The following EXOC2 variants were observed in gnomAD, a reference collection of about 807,000 sequenced individuals.
EXOC2 encodes exocyst complex component 2, also known as SEC5-like 1.
Under a neutral mutation model 131.8 loss-of-function variants are expected in EXOC2, and 70 were observed. The observed-to-expected ratio is 0.53, with a 90% CI of 0.44 to 0.65. The LOEUF is 0.65. EXOC2 is among the 30% of genes least tolerant of loss of function. The probability of loss-of-function intolerance (pLI) is 0.00; values close to 1 mark genes in which losing one functional copy is unlikely to be tolerated. For synonymous variants in EXOC2, 411 were observed against 398.4 expected (o/e 1.03, Z -0.38); for missense variants, 923 against 1,108.6 (o/e 0.83, Z 2.38).
chr6:661,658 C>T (rs569005395), intron 1 of EXOC2, among the ~76,000 whole-genome samples: 27 of 152,130 alleles, frequency 1.8e-4, no homozygotes, highest in Non-Finnish European at 3.2e-4. Context: ...TGAAACAAAT[C>T]CTGGAAACAC....
intron 27 of EXOC2, among the ~76,000 whole-genome samples, chr6:487,781 T>TA (rs951895006): frequency 4.9e-4 from 74 of 152,300 alleles, no homozygotes; most frequent in African/African-American, 1.7e-3. Context: ...GAACTGGGTT[T>TA]AACAGTACTG....
chr6:614,182 C>CG (rs1760860480), intron 6 of EXOC2, among the ~76,000 whole-genome samples: 1 of 151,936 alleles, frequency 6.6e-6, no homozygotes, highest in Admixed American at 6.6e-5. Context: ...CTGTGGACCA[C>CG]GGGCCACACT....
chr6:509,557 GAAAAT>G (rs542660140), intron 23 of EXOC2, among the ~76,000 whole-genome samples: 36 of 152,028 alleles, frequency 2.4e-4, no homozygotes, highest in Non-Finnish European at 4.1e-4. Context: ...AACTTTTCAT[GAAAAT>G]AAAATAAAAT....
intron 1 of EXOC2, among the ~76,000 whole-genome samples, chr6:680,024 ATT>A (rs11345538): frequency 6.0e-4 from 90 of 150,318 alleles, no homozygotes; most frequent in African/African-American, 2.1e-3. Flanking sequence ...CCGGATGACT[ATT>A]TTTTTTTTTA....
intron 1 of EXOC2, among the ~76,000 whole-genome samples, chr6:653,114 C>A (rs890838864): frequency 6.6e-6 from 1 of 152,280 alleles, no homozygotes; most frequent in Non-Finnish European, 1.5e-5. Context: ...GACTGTTCCA[C>A]CAACCAGCAT....
intron 23 of EXOC2, among the ~76,000 whole-genome samples, chr6:521,476 T>C (rs543671251): frequency 6.6e-6 from 1 of 152,296 alleles, no homozygotes; most frequent in African/African-American, 2.4e-5. Context: ...TGAAGAAAGG[T>C]AGAACTACAT....
At chr6:657,551 G>A (rs181684033) in intron 1 of EXOC2, among the ~76,000 whole-genome samples, 147 of 152,222 alleles carry the variant, frequency 9.7e-4, no homozygotes, top group African/African-American at 3.3e-3. Context: ...TTGCTATTAT[G>A]AACACAATGA....
chr6:675,480 G>A (rs953712197), intron 1 of EXOC2, among the ~76,000 whole-genome samples: 8 of 152,140 alleles, frequency 5.3e-5, no homozygotes, highest in Non-Finnish European at 8.8e-5. Context: ...AGAAATGGGC[G>A]CCCCATCAAC....
At chr6:503,277 G>T (rs544461784) in intron 23 of EXOC2, among the ~76,000 whole-genome samples, 1 of 152,120 alleles carries the variant, frequency 6.6e-6, no homozygotes, top group East Asian at 1.9e-4. Flanking sequence ...CTACATGGAG[G>T]ATGCCACTAG....
Position 486,585 on chromosome 6 carries a change from A to C in EXOC2, c.*86T>G, listed in dbSNP as rs932627152. 1 of 1,219,890 alleles carries C rather than the reference A, an allele frequency of 8.2e-7. No homozygotes were observed. The highest frequency in any genetic ancestry group is 1.2e-6 in the Non-Finnish European group (1 of 846,342). 75.6% of individuals were successfully genotyped at this position (1,219,890 alleles called of 1,614,324 possible). A position where few individuals can be genotyped will look rare whatever the true frequency, so the allele number is the denominator to read the frequency against. ...GAGAAAAATGGCAAACCCAATGTTTAATACACCAAATACCTTTAGGGTACT... is the reference window on the plus strand; with the variant it reads ...GAGAAAAATGGCAAACCCAATGTTTCATACACCAAATACCTTTAGGGTACT... On this transcript the variant is annotated 3_prime_UTR_variant, in exon 28 of 28. Coordinates refer to ENST00000230449, the MANE Select transcript of EXOC2 (RefSeq NM_018303.6).
intron 6 of EXOC2, among the ~76,000 whole-genome samples, chr6:615,182 G>GGTGTGTGT (rs201428433): frequency 9.9e-5 from 12 of 121,032 alleles, no homozygotes; most frequent in East Asian, 3.3e-4. Context: ...TGTGGGTGTG[G>GGTGTGTGT]GTGTGTGTGT....
At chr6:579,472 G>A (rs1464303420) in intron 11 of EXOC2, among the ~76,000 whole-genome samples, 1 of 152,152 alleles carries the variant, frequency 6.6e-6, no homozygotes, top group South Asian at 2.1e-4. Flanking sequence ...AAGAGCACAT[G>A]CCCCTCCGGA....
At chr6:530,048 G>T (rs571132571) in intron 23 of EXOC2, among the ~76,000 whole-genome samples, 1 of 152,338 alleles carries the variant, frequency 6.6e-6, no homozygotes, top group African/African-American at 2.4e-5. Flanking sequence ...CTCAAATTTA[G>T]CAAGTCTATG....
intron 1 of EXOC2, among the ~76,000 whole-genome samples, chr6:661,982 C>T (rs1334046475): frequency 1.3e-5 from 2 of 152,014 alleles, no homozygotes; most frequent in Non-Finnish European, 2.9e-5. Flanking sequence ...AAATGGACAC[C>T]AAAAGAGAGC....
chr6:519,080 CG>C, intron 23 of EXOC2, among the ~76,000 whole-genome samples: 1 of 144,914 alleles, frequency 6.9e-6, no homozygotes, highest in African/African-American at 2.6e-5. Flanking sequence ...CATCACCCAC[CG>C]AGCGCCGACA....
At chr6:622,817 T>C (rs1400510955) in intron 4 of EXOC2, among the ~76,000 whole-genome samples, 1 of 152,236 alleles carries the variant, frequency 6.6e-6, no homozygotes, top group Non-Finnish European at 1.5e-5. Flanking sequence ...GAGCTTTCCA[T>C]TCTGTACTCC....
In EXOC2 at chr6:629,930, A is replaced by T. The variant is rs1254647584; in HGVS notation, c.327T>A (p.Asp109Glu). The T allele has an allele frequency of 1.2e-6, 2 of 1,613,962 alleles. No homozygotes were observed. The highest frequency in any genetic ancestry group is 1.7e-6 in the Non-Finnish European group (2 of 1,179,954). ...GILDQSAVWV[D>E]EMNYYDMRTD... ...TGCGCATATCATAATAATTCATTTC[A>T]TCAACCCACACAGCAGACTGATCCA... The change falls in exon 4 of 28, where the codon GAT becomes GAA. Residue 109 changes from aspartate to glutamate, a missense_variant. Physicochemically the swap from Asp to Glu is conservative, Grantham distance 45. Coordinates refer to ENST00000230449, the MANE Select transcript of EXOC2 (RefSeq NM_018303.6).
chr6:596,706 TA>T (rs750071289), intron 10 of EXOC2, among the ~76,000 whole-genome samples: 2 of 152,214 alleles, frequency 1.3e-5, no homozygotes, highest in Non-Finnish European at 2.9e-5. Context: ...GGACCACAGC[TA>T]AATTCATAAA....
At chr6:495,316 G>GA (rs1490148312) in intron 25 of EXOC2, among the ~76,000 whole-genome samples, 2 of 147,486 alleles carry the variant, frequency 1.4e-5, no homozygotes, top group African/African-American at 2.5e-5. Flanking sequence ...TAGTAGAGAC[G>GA]GGTTTCACCG....
Sources: allele counts gnomAD v4.1 joint callset (sites outside exome capture counted in the v4.1 genomes callset), GRCh38; gene constraint gnomAD v4.1.1; transcripts MANE v1.5; gene names NCBI Gene and HGNC (gene_info 2026-07-23, HGNC 2026-07-21).